The following KATNIP variants were observed in gnomAD, a reference collection of about 807,000 sequenced individuals.
The protein encoded by KATNIP is katanin interacting protein, also known as katanin-interacting protein.
Under a neutral mutation model 174.0 loss-of-function variants are expected in KATNIP, and 126 were observed. The ratio of observed to expected loss-of-function variants is 0.72; its 90% CI spans 0.63 to 0.84. KATNIP has a LOEUF of 0.84. Ranked by LOEUF, KATNIP falls within the 40% of genes least tolerant of loss-of-function variation. The probability of loss-of-function intolerance (pLI) is 0.00; values close to 1 mark genes in which losing one functional copy is unlikely to be tolerated. For synonymous variants in KATNIP, 810 were observed against 835.7 expected (o/e 0.97, Z 0.53); for missense variants, 1,958 against 2,109.7 (o/e 0.93, Z 1.41).
Position 27,778,697 on chromosome 16 carries a change from G to A in KATNIP, c.*68G>A, listed in dbSNP as rs1327035709. The A allele has an allele frequency of 7.4e-6, 11 of 1,487,920 alleles. No individual in the cohort carries two copies. Among genetic ancestry groups the A allele is most frequent in the Non-Finnish European group, 9.3e-6 (10 of 1,077,960 alleles). The allele number at this position is 1,487,920 out of a possible 1,614,324, so 92.2% of individuals were successfully genotyped here. A position where few individuals can be genotyped will look rare whatever the true frequency, so the allele number is the denominator to read the frequency against. Reference sequence around the variant, plus strand: ...CCGTCAGCAGCCCCACTCAGTGCCTGCGTCCCTCACCCTCAGTCCCAGGAG... The same window carrying A: ...CCGTCAGCAGCCCCACTCAGTGCCTACGTCCCTCACCCTCAGTCCCAGGAG... On this transcript the variant is annotated 3_prime_UTR_variant, in exon 28 of 28. Coordinates refer to ENST00000261588, the MANE Select transcript of KATNIP (RefSeq NM_015202.5).
intron 1 of KATNIP, among the ~76,000 whole-genome samples, chr16:27,551,126 T>C (rs1455176412): frequency 4.6e-5 from 7 of 152,150 alleles, no homozygotes; most frequent in Non-Finnish European, 1.0e-4. Flanking sequence ...GTATTGACAA[T>C]TGGAAGCAAA....
rs558661526 is a variant in KATNIP at position 27,574,960 on chromosome 16, A to G, written c.63+1004A>G. 2.7e-4 allele frequency among the ~76,000 whole-genome samples: 41 copies of G among 151,220 alleles called. No individual in the cohort carries two copies. In the South Asian group the frequency reaches 4.6e-3, roughly 17 times the overall value. On this transcript the variant is annotated intron_variant, in intron 2 of 27. Coordinates refer to ENST00000261588, the MANE Select transcript of KATNIP (RefSeq NM_015202.5). ...ACAAAATATTGTGGCCATTCTTGAA[A>G]TCCGCTACCTTCCCCCCTCCCCGCC...
chr16:27,637,585 C>T lies in KATNIP; in HGVS notation c.408+6423C>T, dbSNP rs1247689035. Among the ~76,000 whole-genome samples the T allele has an allele frequency of 6.6e-6, 1 of 152,088 alleles. No individual in the cohort carries two copies. The highest frequency in any genetic ancestry group is 2.4e-5 in the African/African-American group (1 of 41,412). ...GGCCTGAGAGTTACCTGGAGCCAGC[C>T]CCGGAAAGATCTGTGGCTGGGGGAG... On this transcript the variant is annotated intron_variant, in intron 5 of 27. Coordinates refer to ENST00000261588, the MANE Select transcript of KATNIP (RefSeq NM_015202.5). This position sits in a 1 kb window ranked among gnomAD's most constrained non-coding sequence, Gnocchi z 4.7.
At chr16:27,619,746 C>A (rs1252881727) in intron 3 of KATNIP, among the ~76,000 whole-genome samples, 1 of 152,198 alleles carries the variant, frequency 6.6e-6, no homozygotes, top group Non-Finnish European at 1.5e-5. Context: ...GGCAGCACCA[C>A]CCCTGGTAGA....
intron 5 of KATNIP, among the ~76,000 whole-genome samples, chr16:27,640,677 ATTTTTT>A (rs11320678): frequency 2.5e-5 from 3 of 122,076 alleles, no homozygotes; most frequent in Non-Finnish European, 3.4e-5. Context: ...TTGGTTTTTA[ATTTTTT>A]TTTTTTTTTT....
intron 2 of KATNIP, among the ~76,000 whole-genome samples, chr16:27,600,098 C>T (rs2075467936): frequency 6.6e-6 from 1 of 152,192 alleles, no homozygotes; most frequent in South Asian, 2.1e-4. Flanking sequence ...TGATTAAAAT[C>T]TGTCTTCCTC....
chr16:27,745,731 C>T (rs1053035180), intron 15 of KATNIP, among the ~76,000 whole-genome samples: 4 of 152,092 alleles, frequency 2.6e-5, no homozygotes, highest in Non-Finnish European at 5.9e-5. Context: ...TTGATAGCAC[C>T]ATCTCATCAC....
chr16:27,587,911 C>CT (rs2090960205), intron 2 of KATNIP, among the ~76,000 whole-genome samples: 1 of 135,532 alleles, frequency 7.4e-6, no homozygotes. Context: ...TTTTTCTTTT[C>CT]TTTTCTTTTC....
chr16:27,740,601 C>T lies in KATNIP; in HGVS notation c.2304C>T (p.Gly768=). ...SPTGKDRKQG[G]RKPKPLWLSP... Reference sequence around the variant, plus strand: ...CCGGCAAGGACAGGAAGCAGGGAGGCAGGAAGCCAAAACCCCTCTGGCTTA... The same window carrying T: ...CCGGCAAGGACAGGAAGCAGGGAGGTAGGAAGCCAAAACCCCTCTGGCTTA... Residue 768 remains glycine, a synonymous_variant, in exon 15 of 28, where the codon GGC becomes GGT. Transcript: ENST00000261588. 1 of 1,614,190 alleles carries T rather than the reference C, an allele frequency of 6.2e-7. No homozygotes were observed. Among genetic ancestry groups the T allele is most frequent in the Non-Finnish European group, 8.5e-7 (1 of 1,180,034 alleles).
At chr16:27,744,647 CT>C (rs1381016296) in intron 15 of KATNIP, among the ~76,000 whole-genome samples, 1 of 151,618 alleles carries the variant, frequency 6.6e-6, no homozygotes, top group Non-Finnish European at 1.5e-5. Flanking sequence ...CTTTGGGAGG[CT>C]GAGACGGGAA....
intron 6 of KATNIP, among the ~76,000 whole-genome samples, chr16:27,662,908 C>T (rs2077568700): frequency 6.6e-6 from 1 of 152,032 alleles, no homozygotes; most frequent in South Asian, 2.1e-4. Flanking sequence ...ATATGAAAAG[C>T]TGTCTATATC....
chr16:27,639,303 C>T (rs909139836), intron 5 of KATNIP, among the ~76,000 whole-genome samples: 1 of 152,216 alleles, frequency 6.6e-6, no homozygotes, highest in African/African-American at 2.4e-5. Context: ...GCCACCTTCC[C>T]TGTGGAATGG....
chr16:27,697,301 A>C (rs2078947338), intron 8 of KATNIP, among the ~76,000 whole-genome samples: 1 of 152,164 alleles, frequency 6.6e-6, no homozygotes, highest in Admixed American at 6.5e-5. Flanking sequence ...TTTAATCCCC[A>C]ACCTCGCCAG....
chr16:27,573,040 G>A (rs1321864370), intron 1 of KATNIP, among the ~76,000 whole-genome samples: 1 of 152,186 alleles, frequency 6.6e-6, no homozygotes, highest in Non-Finnish European at 1.5e-5. Context: ...TCTTTTCTCT[G>A]AGACTCAGTC....
chr16:27,738,296 T>C (rs1318381314), intron 14 of KATNIP, among the ~76,000 whole-genome samples: 1 of 152,130 alleles, frequency 6.6e-6, no homozygotes, highest in African/African-American at 2.4e-5. Context: ...AGACAGGGGT[T>C]ACCAAGGGGC....
intron 14 of KATNIP, among the ~76,000 whole-genome samples, chr16:27,729,151 C>T (rs762463740): frequency 1.9e-4 from 29 of 152,258 alleles, no homozygotes; most frequent in East Asian, 1.2e-3. Flanking sequence ...TAAGAGAAGA[C>T]GCTGGGTGGC....
At position 27,637,699 on chromosome 16, in the gene KATNIP, T is replaced by A. The variant is rs897361835; in HGVS notation, c.408+6537T>A. 2.0e-5 allele frequency among the ~76,000 whole-genome samples: 3 copies of A among 151,276 alleles called. No homozygotes were observed. Among genetic ancestry groups the A allele is most frequent in the Non-Finnish European group, 4.4e-5 (3 of 67,828 alleles). On this transcript the variant is annotated intron_variant, in intron 5 of 27. Transcript: ENST00000261588. This position sits in a 1 kb window ranked among gnomAD's most constrained non-coding sequence, Gnocchi z 4.7. Reference sequence around the variant, plus strand: ...GATCAGGACAGGGTGGCAGAAAGGGTGGGGATGAGGGTGTCAGGGTTGCAA... The same window carrying A: ...GATCAGGACAGGGTGGCAGAAAGGGAGGGGATGAGGGTGTCAGGGTTGCAA...
intron 20 of KATNIP, among the ~76,000 whole-genome samples, chr16:27,767,340 A>G (rs1160148286): frequency 6.6e-6 from 1 of 152,152 alleles, no homozygotes; most frequent in Non-Finnish European, 1.5e-5. Context: ...GTAACAGTTG[A>G]CAAAGCCAGG....
At chr16:27,732,350 T>C (rs2080726116) in intron 14 of KATNIP, among the ~76,000 whole-genome samples, 1 of 152,206 alleles carries the variant, frequency 6.6e-6, no homozygotes, top group South Asian at 2.1e-4. Flanking sequence ...TTCATTGGCC[T>C]TCCTCCCAAG....
Sources: gnomAD v4.1 joint callset for allele counts (sites outside exome capture counted in the v4.1 genomes callset) on GRCh38, gnomAD v4.1.1 for gene constraint, Gnocchi (gnomAD v3.1) non-coding constraint, MANE v1.5 for transcripts, NCBI Gene and HGNC (gene_info 2026-07-23, HGNC 2026-07-21) for gene names.